Variants in CDH8 observed in about 807,000 individuals in gnomAD.
CDH8 encodes cadherin 8.
A neutral mutation model predicts 68.1 loss-of-function variants in CDH8; 17 were observed. The observed-to-expected ratio is 0.25, with a 90% CI of 0.17 to 0.37. The LOEUF is 0.37. Among genes scored for constraint, CDH8 ranks in the 10% least tolerant of loss-of-function variants. The pLI, the probability that CDH8 is intolerant of heterozygous loss-of-function variation, is 1.00. For missense variants in CDH8, 763 were observed against 999.3 expected (o/e 0.76, Z 3.19); for synonymous variants, 372 against 365.1 (o/e 1.02, Z -0.21).
rs150965733 is a variant in CDH8, at chr16:61,699,148, T to G, written c.1654+14693A>C. Among the ~76,000 whole-genome samples the G allele has an allele frequency of 4.8e-4, 73 of 152,274 alleles. 1 individual carries two copies. The East Asian group carries it at 0.013, about 26-fold the overall frequency. ...TATGGTACTAAAAATCTCTGCTACT[T>G]TCCTCCTGTTCTGTACCATTTGCTC... On this transcript the variant is annotated intron_variant, in intron 10 of 11. Transcript: ENST00000577390.
At chr16:61,957,253 A>G (rs1297027337) in intron 2 of CDH8, among the ~76,000 whole-genome samples, 2 of 152,140 alleles carry the variant, frequency 1.3e-5, no homozygotes, top group Non-Finnish European at 2.9e-5. Context: ...CTCAGGAATC[A>G]AAGGATATCC....
chr16:61,901,152 G>T, intron 3 of CDH8, 27 bp downstream of exon 3: 1 of 1,592,396 alleles, frequency 6.3e-7, no homozygotes, highest in Non-Finnish European at 8.6e-7. Context: ...ACTTTTAATA[G>T]ATCTGTGAAA....
chr16:61,992,457 G>A, intron 2 of CDH8, among the ~76,000 whole-genome samples: 1 of 111,510 alleles, frequency 9.0e-6, no homozygotes, highest in African/African-American at 3.4e-5. Context: ...GGGGGGAGGG[G>A]GGAGGGATAG....
intron 9 of CDH8, among the ~76,000 whole-genome samples, chr16:61,719,978 C>G (rs1310456753): frequency 7.2e-6 from 1 of 139,508 alleles, no homozygotes; most frequent in African/African-American, 2.8e-5. Flanking sequence ...TTTAATGTCT[C>G]CCAATCTTAT....
rs369316712 is a variant in CDH8, at chr16:61,734,035, G to A, written c.1415-6820C>T. Among the ~76,000 whole-genome samples, 209 of 152,014 alleles carry A rather than the reference G, an allele frequency of 1.4e-3. 1 individual carries two copies. Among genetic ancestry groups the A allele is most frequent in the African/African-American group, 4.8e-3 (199 of 41,486 alleles). On this transcript the variant is annotated intron_variant, in intron 8 of 11. Transcript: ENST00000577390. ...ATTGAATATGTGTAGTGATGTATAA[G>A]TACTCTTCTATGTGCCTTCAATATA...
intron 2 of CDH8, among the ~76,000 whole-genome samples, chr16:61,925,102 C>T (rs1964435946): frequency 6.6e-6 from 1 of 152,140 alleles, no homozygotes; most frequent in Admixed American, 6.6e-5. Context: ...TTGAGGTACA[C>T]ACATAATTAC....
At chr16:61,750,244 A>G (rs1203274955) in intron 8 of CDH8, among the ~76,000 whole-genome samples, 2 of 152,070 alleles carry the variant, frequency 1.3e-5, no homozygotes, top group Admixed American at 6.6e-5. Flanking sequence ...TTGCTTTCTA[A>G]CATACCTGCT....
chr16:61,814,515 C>T (rs1378186362), intron 7 of CDH8, among the ~76,000 whole-genome samples: 1 of 152,164 alleles, frequency 6.6e-6, no homozygotes, highest in African/African-American at 2.4e-5. Flanking sequence ...AGAAATTGAA[C>T]CGCGTGAGAA....
At chr16:61,768,252 T>C (rs2142980569) in intron 8 of CDH8, among the ~76,000 whole-genome samples, 1 of 151,722 alleles carries the variant, frequency 6.6e-6, no homozygotes, top group Non-Finnish European at 1.5e-5. Flanking sequence ...GATAATCTCC[T>C]CTAGTTCCAG....
intron 9 of CDH8, among the ~76,000 whole-genome samples, chr16:61,714,595 A>C (rs1964689511): frequency 6.6e-6 from 1 of 151,628 alleles, no homozygotes; most frequent in Non-Finnish European, 1.5e-5. Flanking sequence ...AAATGTTTGG[A>C]TAGATAGAGG....
intron 10 of CDH8, among the ~76,000 whole-genome samples, chr16:61,671,805 T>C (rs1042004642): frequency 8.5e-5 from 13 of 152,052 alleles, no homozygotes; most frequent in African/African-American, 3.1e-4. Flanking sequence ...GTCAAACTGA[T>C]TTACTTTCCC....
intron 7 of CDH8, among the ~76,000 whole-genome samples, chr16:61,810,761 C>T (rs929954512): frequency 8.5e-5 from 13 of 152,170 alleles, no homozygotes; most frequent in East Asian, 1.9e-4. Context: ...CAGTAGCTCA[C>T]GCCTGTAATC....
chr16:61,783,137 C>T (rs1376569339), intron 8 of CDH8, among the ~76,000 whole-genome samples: 2 of 143,072 alleles, frequency 1.4e-5, no homozygotes, highest in African/African-American at 2.6e-5. Flanking sequence ...TCAAATTACT[C>T]TGAGCTACGG....
chr16:61,787,324 A>G (rs1022982701), intron 8 of CDH8, among the ~76,000 whole-genome samples: 40 of 147,446 alleles, frequency 2.7e-4, no homozygotes, highest in Non-Finnish European at 6.0e-5. Flanking sequence ...TATGCAGCCA[A>G]AAAACACATG....
intron 4 of CDH8, among the ~76,000 whole-genome samples, chr16:61,830,380 T>C (rs1485304772): frequency 6.6e-6 from 1 of 151,856 alleles, no homozygotes; most frequent in Non-Finnish European, 1.5e-5. Flanking sequence ...TTTTGAACTG[T>C]GAATGCTAAA....
At chr16:61,690,664 T>A (rs1442574933) in intron 10 of CDH8, among the ~76,000 whole-genome samples, 1 of 151,974 alleles carries the variant, frequency 6.6e-6, no homozygotes, top group African/African-American at 2.4e-5. Context: ...TGTTGTTTAT[T>A]TTCTTTTTCC....
At chr16:61,977,004 G>A (rs1279077768) in intron 2 of CDH8, among the ~76,000 whole-genome samples, 1 of 152,088 alleles carries the variant, frequency 6.6e-6, no homozygotes, top group African/African-American at 2.4e-5. Flanking sequence ...CAATCAATGG[G>A]CTCCTGAACT....
intron 6 of CDH8, 23 bp downstream of exon 6, chr16:61,820,903 G>A (rs1346949272): frequency 1.3e-6 from 2 of 1,590,406 alleles, no homozygotes; most frequent in Non-Finnish European, 1.7e-6. Flanking sequence ...TTTTGAAGAT[G>A]AACAAAAGCT....
Position 61,926,113 on chromosome 16 carries a change from G to C in CDH8, c.253-24640C>G, listed in dbSNP as rs142742557. The stretch of plus-strand genomic sequence containing the variant: ...TGCTCCAAGCCACACAAACTAATAA[G>C]AAGCAGAATCATAAAATGTTGATTT... On this transcript the variant is annotated intron_variant, in intron 2 of 11. Transcript: ENST00000577390. Among the ~76,000 whole-genome samples the C allele has an allele frequency of 2.6e-4, 40 of 151,232 alleles. 2 individuals carry two copies. The East Asian group carries it at 7.8e-3, about 30-fold the overall frequency.
Sources: allele counts gnomAD v4.1 joint callset (sites outside exome capture counted in the v4.1 genomes callset), GRCh38; gene constraint gnomAD v4.1.1; transcripts MANE v1.5; gene names NCBI Gene and HGNC (gene_info 2026-07-23, HGNC 2026-07-21).